TBX20: variants seen among roughly 807,000 people sequenced by gnomAD.
TBX20 encodes the protein T-box transcription factor TBX20.
In TBX20, 8 loss-of-function variants were observed where a neutral mutation model predicts 42.9. That is an observed-to-expected ratio of 0.19 (90% confidence interval 0.11 to 0.34). The LOEUF (loss-of-function observed/expected upper bound fraction) is 0.34. TBX20 is among the 10% of genes least tolerant of loss of function. The probability of loss-of-function intolerance (pLI) is 1.00; values close to 1 mark genes in which losing one functional copy is unlikely to be tolerated. For synonymous variants in TBX20, 198 were observed against 222.8 expected (o/e 0.89, Z 0.99); for missense variants, 411 against 566.0 (o/e 0.73, Z 2.78).
At chr7:35,208,118 T>A (rs1789430984) in intron 6 of TBX20, among the ~76,000 whole-genome samples, 1 of 152,208 alleles carries the variant, frequency 6.6e-6, no homozygotes, top group Non-Finnish European at 1.5e-5. Context: ...CTCAACAATG[T>A]TTTTGTAGTT....
chr7:35,235,304 AC>A lies in TBX20; in HGVS notation c.814-3725del, dbSNP rs1183909976. Among the ~76,000 whole-genome samples, 251 of 62,154 alleles carry A rather than the reference AC, an allele frequency of 4.0e-3. 4 individuals carry two copies. The highest frequency in any genetic ancestry group is 0.016 in the East Asian group (47 of 2,926). The allele number at this position is 62,154 out of a possible 152,430, so 40.8% of individuals were successfully genotyped here. ...TTTGGGATAACTGAAAAAAAAAAAA[AC>A]AACACTGAGAACTAATGAGAAAAAG... is the stretch of plus-strand genomic sequence containing the variant. On this transcript the variant is annotated intron_variant, in intron 5 of 7. Coordinates refer to ENST00000408931, the MANE Select transcript of TBX20 (RefSeq NM_001077653.2).
At chr7:35,243,201 G>T (rs1479566941) in intron 4 of TBX20, among the ~76,000 whole-genome samples, 1 of 152,110 alleles carries the variant, frequency 6.6e-6, no homozygotes, top group Admixed American at 6.6e-5. Context: ...GCTCTGGCTG[G>T]TTTCAAACTC....
Position 35,249,895 on chromosome 7 carries a change from C to A in TBX20, c.380+56G>T. On this transcript the variant is annotated intron_variant, in intron 2 of 7. Transcript: ENST00000408931. The surrounding 1 kb of genome is among the most constrained non-coding windows in gnomAD (Gnocchi z 4.3). ...TAGTTCCTGGAAGCACCCTCAACTA[C>A]CCAGGGAGTGTCCTGACTCTCCACC... 1 of 1,556,240 alleles carries A rather than the reference C, an allele frequency of 6.4e-7. No individual in the cohort carries two copies. The highest frequency in any genetic ancestry group is 8.7e-7 in the Non-Finnish European group (1 of 1,147,074).
intron 5 of TBX20, 113 bp from the exon 6 acceptor site, chr7:35,231,693 G>T (rs1208487154): frequency 1.3e-6 from 1 of 756,712 alleles, no homozygotes; most frequent in Non-Finnish European, 2.3e-6. Context: ...GTTTCTCAGT[G>T]TCCTGAGAAG....
chr7:35,208,435 A>G (rs1177605614), intron 6 of TBX20, among the ~76,000 whole-genome samples: 1 of 152,156 alleles, frequency 6.6e-6, no homozygotes, highest in Non-Finnish European at 1.5e-5. Flanking sequence ...TACCTGTACA[A>G]TGTTGAATTA....
intron 6 of TBX20, among the ~76,000 whole-genome samples, chr7:35,212,044 C>T (rs187046372): frequency 3.3e-5 from 5 of 152,206 alleles, no homozygotes; most frequent in African/African-American, 1.2e-4. Flanking sequence ...ACCTTTAGGG[C>T]CTCCAATTAC....
chr7:35,240,678 A>G (rs1371219057), intron 5 of TBX20, among the ~76,000 whole-genome samples: 1 of 152,210 alleles, frequency 6.6e-6, no homozygotes, highest in Admixed American at 6.5e-5. Context: ...AACCTGACCC[A>G]TAATGTAGAG....
intron 6 of TBX20, among the ~76,000 whole-genome samples, chr7:35,210,955 A>C (rs1789487622): frequency 6.6e-6 from 1 of 151,722 alleles, no homozygotes; most frequent in Admixed American, 6.6e-5. Context: ...GTTCTTTTTT[A>C]TCTCTTTCCT....
intron 5 of TBX20, among the ~76,000 whole-genome samples, chr7:35,234,245 T>C (rs1789920234): frequency 6.6e-6 from 1 of 152,240 alleles, no homozygotes; most frequent in Non-Finnish European, 1.5e-5. Flanking sequence ...GTTCTAATGA[T>C]TAAAGATGGA....
intron 6 of TBX20, among the ~76,000 whole-genome samples, chr7:35,221,367 A>G (rs1789681827): frequency 6.6e-6 from 1 of 151,840 alleles, no homozygotes; most frequent in Non-Finnish European, 1.5e-5. Context: ...TTAAGACTTG[A>G]ATTTTCAATT....
intron 4 of TBX20, among the ~76,000 whole-genome samples, chr7:35,244,125 GA>G (rs1254430729): frequency 2.6e-5 from 4 of 152,090 alleles, no homozygotes; most frequent in South Asian, 2.1e-4. Flanking sequence ...ATTAAAAGAA[GA>G]AAAAAATTAT....
At chr7:35,211,554 T>G (rs1443452539) in intron 6 of TBX20, among the ~76,000 whole-genome samples, 1 of 152,186 alleles carries the variant, frequency 6.6e-6, no homozygotes, top group Non-Finnish European at 1.5e-5. Flanking sequence ...GATCCCCAAC[T>G]TGCAATGGTT....
chr7:35,235,817 T>C (rs1789955096), intron 5 of TBX20, among the ~76,000 whole-genome samples: 1 of 152,152 alleles, frequency 6.6e-6, no homozygotes, highest in Non-Finnish European at 1.5e-5. Flanking sequence ...CCTTTTGCAG[T>C]GGTTATTCTG....
At chr7:35,237,914 TCA>T (rs1789997974) in intron 5 of TBX20, among the ~76,000 whole-genome samples, 1 of 152,066 alleles carries the variant, frequency 6.6e-6, no homozygotes, top group Non-Finnish European at 1.5e-5. Flanking sequence ...AATCAATGTC[TCA>T]GAGTCTATCA....
In TBX20 at chr7:35,233,462, T is replaced by C. The variant is rs188466628; in HGVS notation, c.814-1882A>G. ...TACATAAATCAGAAACCTGTTCTCA[T>C]GGACAGCAACAGCTAAGACATATAT... On this transcript the variant is annotated intron_variant, in intron 5 of 7. Transcript: ENST00000408931. Among the ~76,000 whole-genome samples, 311 of 152,324 alleles carry C rather than the reference T, an allele frequency of 2.0e-3. 1 individual carries two copies. Among genetic ancestry groups the C allele is most frequent in the African/African-American group, 7.1e-3 (296 of 41,578 alleles).
At chr7:35,235,727 C>G (rs568918007) in intron 5 of TBX20, among the ~76,000 whole-genome samples, 2 of 152,236 alleles carry the variant, frequency 1.3e-5, no homozygotes, top group South Asian at 4.1e-4. Flanking sequence ...AATGTTCACT[C>G]TTTTGGCATC....
intron 5 of TBX20, among the ~76,000 whole-genome samples, chr7:35,233,947 CAACA>C (rs1789915089): frequency 6.6e-6 from 1 of 152,160 alleles, no homozygotes; most frequent in African/African-American, 2.4e-5. Context: ...GCACCACCTC[CAACA>C]AACAGTTAGA....
At chr7:35,236,271 G>T (rs1789963290) in intron 5 of TBX20, among the ~76,000 whole-genome samples, 1 of 150,760 alleles carries the variant, frequency 6.6e-6, no homozygotes, top group South Asian at 2.1e-4. Context: ...TATGAAAGTG[G>T]TCCTAAATGT....
intron 1 of TBX20, among the ~76,000 whole-genome samples, chr7:35,250,748 G>A (rs1790290088): frequency 6.6e-6 from 1 of 152,204 alleles, no homozygotes; most frequent in African/African-American, 2.4e-5. Flanking sequence ...GAAAAATGGG[G>A]AATGTGGTTT....
Sources: gnomAD v4.1 joint callset for allele counts (sites outside exome capture counted in the v4.1 genomes callset) on GRCh38, gnomAD v4.1.1 for gene constraint, Gnocchi (gnomAD v3.1) non-coding constraint, MANE v1.5 for transcripts, NCBI Gene and HGNC (gene_info 2026-07-23, HGNC 2026-07-21) for gene names.